KCNMA1: variants seen among roughly 807,000 people sequenced by gnomAD.
The protein encoded by KCNMA1 is potassium calcium-activated channel subfamily M alpha 1.
KCNMA1 carries 29 observed loss-of-function variants against 140.0 expected under a neutral mutation model. The ratio of observed to expected loss-of-function variants is 0.21; its 90% CI spans 0.15 to 0.28. The LOEUF (loss-of-function observed/expected upper bound fraction) is 0.28. Ranked by LOEUF, KCNMA1 falls within the 10% of genes least tolerant of loss-of-function variation. The pLI is 1.00. For missense variants in KCNMA1, 880 were observed against 1,602.2 expected (o/e 0.55, Z 7.70); for synonymous variants, 612 against 611.9 (o/e 1.00, Z 0.00).
At chr10:77,475,898 G>A (rs1300777299) in intron 1 of KCNMA1, among the ~76,000 whole-genome samples, 1 of 152,160 alleles carries the variant, frequency 6.6e-6, no homozygotes, top group Non-Finnish European at 1.5e-5. Context: ...GGCTCTGGCT[G>A]GACTAAAACC....
At chr10:77,531,188 G>A (rs550373854) in intron 1 of KCNMA1, among the ~76,000 whole-genome samples, 34 of 152,284 alleles carry the variant, frequency 2.2e-4, no homozygotes, top group African/African-American at 6.5e-4. Flanking sequence ...AGTCTTTGCC[G>A]CTCTTGTAAG....
At chr10:76,919,348 A>G (rs572735668) in intron 23 of KCNMA1, among the ~76,000 whole-genome samples, 2 of 152,322 alleles carry the variant, frequency 1.3e-5, no homozygotes, top group East Asian at 3.9e-4. Context: ...ACTTCCAAAG[A>G]CCACCTGAAC....
intron 1 of KCNMA1, among the ~76,000 whole-genome samples, chr10:77,568,488 T>C (rs1408014723): frequency 6.6e-5 from 10 of 150,584 alleles, no homozygotes; most frequent in South Asian, 2.1e-4. Context: ...AAAAACCACA[T>C]GATTATCTCA....
At chr10:77,238,164 A>C (rs147079213) in intron 3 of KCNMA1, among the ~76,000 whole-genome samples, 2 of 152,266 alleles carry the variant, frequency 1.3e-5, no homozygotes, top group East Asian at 3.9e-4. Flanking sequence ...AACTGGTCTG[A>C]AGACTGATTG....
intron 1 of KCNMA1, among the ~76,000 whole-genome samples, chr10:77,574,431 G>C (rs537545089): frequency 6.6e-6 from 1 of 152,268 alleles, no homozygotes; most frequent in South Asian, 2.1e-4. Flanking sequence ...GACTGCCTCT[G>C]AATCTTTTTA....
intron 9 of KCNMA1, among the ~76,000 whole-genome samples, chr10:77,101,940 A>G (rs2097107142): frequency 6.6e-6 from 1 of 152,216 alleles, no homozygotes; most frequent in Non-Finnish European, 1.5e-5. Context: ...CGAGAGGGAA[A>G]TGGTGTTGTA....
intron 16 of KCNMA1, among the ~76,000 whole-genome samples, chr10:77,025,989 G>GAAA (rs141656183): frequency 0.015 from 1,983 of 131,802 alleles, 21 homozygotes; most frequent in African/African-American, 0.022. Flanking sequence ...CTTTTCTGAA[G>GAAA]AAAAAAAAAA....
intron 2 of KCNMA1, among the ~76,000 whole-genome samples, chr10:77,297,970 C>T (rs1223471968): frequency 6.6e-6 from 1 of 152,156 alleles, no homozygotes; most frequent in Non-Finnish European, 1.5e-5. Flanking sequence ...CTGGGGACAG[C>T]AATTGGTATC....
At chr10:77,507,117 C>T (rs1181939190) in intron 1 of KCNMA1, among the ~76,000 whole-genome samples, 1 of 152,108 alleles carries the variant, frequency 6.6e-6, no homozygotes, top group Non-Finnish European at 1.5e-5. Context: ...CTTTTGTTTC[C>T]ATAGTCTATA....
intron 1 of KCNMA1, among the ~76,000 whole-genome samples, chr10:77,607,866 A>C (rs1268904448): frequency 6.6e-6 from 1 of 152,152 alleles, no homozygotes; most frequent in Admixed American, 6.5e-5. Context: ...GGGAAAACTG[A>C]CACCCACACT....
chr10:76,987,667 G>C (rs1393042306), intron 19 of KCNMA1, among the ~76,000 whole-genome samples: 1 of 152,224 alleles, frequency 6.6e-6, no homozygotes, highest in South Asian at 2.1e-4. Context: ...TAGAAGCAGA[G>C]AGGAAAAGAA....
intron 26 of KCNMA1, 47 bp downstream of exon 26, chr10:76,891,478 C>T (rs1483384090): frequency 2.0e-6 from 3 of 1,513,164 alleles, no homozygotes; most frequent in Non-Finnish European, 2.7e-6. Context: ...CAGGATCAAG[C>T]TTTTCCCAAA....
intron 5 of KCNMA1, among the ~76,000 whole-genome samples, chr10:77,155,372 A>G (rs1342857161): frequency 6.6e-6 from 1 of 152,184 alleles, no homozygotes; most frequent in African/African-American, 2.4e-5. Context: ...TTTTATTCCC[A>G]CAACACCTTA....
intron 3 of KCNMA1, among the ~76,000 whole-genome samples, chr10:77,232,219 T>C (rs2053846574): frequency 6.6e-6 from 1 of 152,364 alleles, no homozygotes; most frequent in East Asian, 1.9e-4. Flanking sequence ...CTGTTATGAA[T>C]GTTCAAGCGC....
chr10:77,405,153 C>A (rs1440846426), intron 1 of KCNMA1, among the ~76,000 whole-genome samples: 6 of 152,224 alleles, frequency 3.9e-5, no homozygotes, highest in Non-Finnish European at 8.8e-5. Context: ...CTGGAATACT[C>A]TTCTCCCACA....
chr10:77,480,188 T>C (rs911402203), intron 1 of KCNMA1, among the ~76,000 whole-genome samples: 1 of 152,210 alleles, frequency 6.6e-6, no homozygotes, highest in African/African-American at 2.4e-5. Flanking sequence ...AGCCAATAAA[T>C]TGCAGGGCAC....
Position 77,422,303 on chromosome 10 carries a change from T to C in KCNMA1, c.379-18280A>G, listed in dbSNP as rs116842946. Among the ~76,000 whole-genome samples, 639 of 152,332 alleles carry C rather than the reference T, an allele frequency of 4.2e-3. 1 individual carries two copies. The highest frequency in any genetic ancestry group is 0.014 in the Middle Eastern group (4 of 294). On this transcript the variant is annotated intron_variant, in intron 1 of 27. Coordinates refer to ENST00000286628, the MANE Select transcript of KCNMA1 (RefSeq NM_001161352.2). ...CCCCAGCCCAGAGTTTCCAATTCAG[T>C]AGGCTTAGGTTGGAGCATAAGAATT... is the stretch of plus-strand genomic sequence containing the variant.
At chr10:76,922,693 G>A (rs917879943) in intron 23 of KCNMA1, among the ~76,000 whole-genome samples, 1 of 152,202 alleles carries the variant, frequency 6.6e-6, no homozygotes. Context: ...GAGGTGGAGA[G>A]AATGAGATAG....
chr10:77,135,430 G>T (rs930295225), intron 5 of KCNMA1, among the ~76,000 whole-genome samples: 12 of 152,144 alleles, frequency 7.9e-5, no homozygotes, highest in Non-Finnish European at 1.6e-4. Context: ...ATGGAAAAAG[G>T]TAAAAAGTTT....
Sources: allele counts gnomAD v4.1 joint callset (sites outside exome capture counted in the v4.1 genomes callset), GRCh38; gene constraint gnomAD v4.1.1; transcripts MANE v1.5; gene names NCBI Gene and HGNC (gene_info 2026-07-23, HGNC 2026-07-21).